The following CHRM2 variants were observed in gnomAD, a reference collection of about 807,000 sequenced individuals.
The protein encoded by CHRM2 is cholinergic receptor muscarinic 2.
CHRM2 carries 8 observed loss-of-function variants against 25.0 expected under a neutral mutation model. The observed-to-expected ratio is 0.32, with a 90% CI of 0.19 to 0.58. CHRM2 has a LOEUF of 0.58. CHRM2 is among the 20% of genes least tolerant of loss of function. The pLI is 0.88. For synonymous variants in CHRM2, 202 were observed against 205.7 expected (o/e 0.98, Z 0.15); for missense variants, 440 against 567.1 (o/e 0.78, Z 2.28).
chr7:137,010,361 C>A (rs1352269644), intron 3 of CHRM2, among the ~76,000 whole-genome samples: 2 of 151,982 alleles, frequency 1.3e-5, no homozygotes, highest in Non-Finnish European at 2.9e-5. Context: ...AGTAAAATAC[C>A]AAATGGGCTA....
intron 2 of CHRM2, among the ~76,000 whole-genome samples, chr7:136,959,713 A>G (rs572267474): frequency 6.6e-6 from 1 of 152,284 alleles, no homozygotes; most frequent in Admixed American, 6.5e-5. Flanking sequence ...GGAGTTCGAG[A>G]CCAGCCTGAC....
At chr7:136,989,820 T>C (rs2131012336) in intron 2 of CHRM2, among the ~76,000 whole-genome samples, 1 of 152,232 alleles carries the variant, frequency 6.6e-6, no homozygotes, top group African/African-American at 2.4e-5. Flanking sequence ...TTATTCATAG[T>C]ACTTCCTTTT....
At chr7:136,984,053 C>G (rs935992394) in intron 2 of CHRM2, among the ~76,000 whole-genome samples, 13 of 152,158 alleles carry the variant, frequency 8.5e-5, no homozygotes, top group Non-Finnish European at 1.5e-5. Context: ...GCCCCTCCCC[C>G]AAGGTTCTCT....
At chr7:136,925,984 C>A (rs1798724801) in intron 2 of CHRM2, among the ~76,000 whole-genome samples, 1 of 152,296 alleles carries the variant, frequency 6.6e-6, no homozygotes, top group East Asian at 1.9e-4. Context: ...ACACCATAAT[C>A]CCAGAATTTT....
chr7:136,891,595 G>A (rs1389410011), intron 2 of CHRM2, among the ~76,000 whole-genome samples: 4 of 152,078 alleles, frequency 2.6e-5, no homozygotes, highest in Admixed American at 6.6e-5. Context: ...CCTTTTCATG[G>A]CCTTCAATGC....
intron 2 of CHRM2, among the ~76,000 whole-genome samples, chr7:136,957,600 G>A (rs182577681): frequency 6.6e-6 from 1 of 152,280 alleles, no homozygotes; most frequent in East Asian, 1.9e-4. Context: ...GACAAACAGA[G>A]TATTTATGGG....
intron 2 of CHRM2, among the ~76,000 whole-genome samples, chr7:136,958,004 A>C (rs973756642): frequency 2.0e-5 from 3 of 152,244 alleles, no homozygotes; most frequent in Non-Finnish European, 4.4e-5. Context: ...ACAATGACTC[A>C]TAGTGGCTGC....
intron 2 of CHRM2, among the ~76,000 whole-genome samples, chr7:136,898,075 C>G (rs1797001046): frequency 6.6e-6 from 1 of 152,084 alleles, no homozygotes; most frequent in African/African-American, 2.4e-5. Flanking sequence ...AATCTCACTT[C>G]TGGTTATTAG....
intron 2 of CHRM2, among the ~76,000 whole-genome samples, chr7:136,915,950 T>G (rs1178873715): frequency 1.3e-5 from 2 of 151,800 alleles, no homozygotes; most frequent in African/African-American, 4.8e-5. Flanking sequence ...ATTATCCTAT[T>G]CATCTTTGTA....
chr7:136,897,360 A>G (rs1366259958), intron 2 of CHRM2, among the ~76,000 whole-genome samples: 1 of 152,116 alleles, frequency 6.6e-6, no homozygotes, highest in Non-Finnish European at 1.5e-5. Context: ...TTATCAGTAT[A>G]TTAATCACAA....
At chr7:136,911,078 T>C (rs1019719423) in intron 2 of CHRM2, among the ~76,000 whole-genome samples, 2 of 151,918 alleles carry the variant, frequency 1.3e-5, no homozygotes, top group African/African-American at 4.8e-5. Flanking sequence ...ACCAACAGCC[T>C]TACTGTATAA....
intron 2 of CHRM2, among the ~76,000 whole-genome samples, chr7:136,940,928 T>C (rs1190809373): frequency 6.6e-6 from 1 of 152,136 alleles, no homozygotes; most frequent in Non-Finnish European, 1.5e-5. Flanking sequence ...GGAAGAGCAG[T>C]GACCAAGTAA....
At chr7:136,885,914 A>G (rs1285289271) in intron 2 of CHRM2, among the ~76,000 whole-genome samples, 6 of 152,172 alleles carry the variant, frequency 3.9e-5, no homozygotes, top group Non-Finnish European at 8.8e-5. Flanking sequence ...TGGAACATTC[A>G]GAGTCCCGTA....
At chr7:136,987,301 C>T (rs951740132) in intron 2 of CHRM2, among the ~76,000 whole-genome samples, 6 of 152,198 alleles carry the variant, frequency 3.9e-5, no homozygotes, top group Non-Finnish European at 7.3e-5. Context: ...GGGGCACCCT[C>T]TGTTGCTTCA....
chr7:136,999,980 G>A (rs1803876087), intron 3 of CHRM2, among the ~76,000 whole-genome samples: 1 of 151,794 alleles, frequency 6.6e-6, no homozygotes, highest in South Asian at 2.1e-4. Context: ...CTGAGCTTAA[G>A]AAATCCATGA....
At chr7:136,884,939 G>C (rs1021527677) in intron 2 of CHRM2, among the ~76,000 whole-genome samples, 1 of 152,168 alleles carries the variant, frequency 6.6e-6, no homozygotes, top group Non-Finnish European at 1.5e-5. Flanking sequence ...CAGAAAATCA[G>C]TTTTTCTGTT....
At chr7:136,948,949 T>C (rs897553816) in intron 2 of CHRM2, among the ~76,000 whole-genome samples, 7 of 152,056 alleles carry the variant, frequency 4.6e-5, no homozygotes, top group Admixed American at 1.3e-4. Flanking sequence ...GGGAAGGTAG[T>C]GCAGCTATGG....
chr7:136,889,740 G>A (rs1796615750), intron 2 of CHRM2, among the ~76,000 whole-genome samples: 2 of 152,180 alleles, frequency 1.3e-5, no homozygotes, highest in Admixed American at 1.3e-4. Context: ...TATTTGCAAT[G>A]ATTTAGATTC....
At chr7:136,991,855 G>C (rs1011548097) in intron 2 of CHRM2, among the ~76,000 whole-genome samples, 11 of 152,086 alleles carry the variant, frequency 7.2e-5, no homozygotes, top group Non-Finnish European at 1.5e-5. Flanking sequence ...ATGAGAGCTA[G>C]GGTTACAATA....
Sources: allele counts gnomAD v4.1 joint callset (sites outside exome capture counted in the v4.1 genomes callset), GRCh38; gene constraint gnomAD v4.1.1; transcripts MANE v1.5; gene names NCBI Gene and HGNC (gene_info 2026-07-23, HGNC 2026-07-21).